The following AGAP3 variants were observed in gnomAD, a reference collection of about 807,000 sequenced individuals.
The protein encoded by AGAP3 is arf-GAP with GTPase, ANK repeat and PH domain-containing protein 3.
In AGAP3, 24 loss-of-function variants were observed where a neutral mutation model predicts 96.9. The observed-to-expected ratio is 0.25, with a 90% CI of 0.18 to 0.35. The LOEUF (loss-of-function observed/expected upper bound fraction) is 0.35. AGAP3 is among the 10% of genes least tolerant of loss of function. The pLI is 1.00. For synonymous variants in AGAP3, 563 were observed against 536.1 expected (o/e 1.05, Z -0.69); for missense variants, 876 against 1,254.2 (o/e 0.70, Z 4.55).
rs1355326831 is a variant in AGAP3, at chr7:151,096,662, C to T, written c.331+9590C>T. Among the ~76,000 whole-genome samples the T allele has an allele frequency of 6.6e-6, 1 of 151,804 alleles. No homozygotes were observed. The highest frequency in any genetic ancestry group is 1.5e-5 in the Non-Finnish European group (1 of 67,970). On this transcript the variant is annotated intron_variant, in intron 1 of 17. Coordinates refer to ENST00000397238, the MANE Select transcript of AGAP3 (RefSeq NM_031946.7). The surrounding 1 kb of genome is among the most constrained non-coding windows in gnomAD (Gnocchi z 4.4). ...TTATTTTTTGTATTTTTAGTAGAGA[C>T]GAGGTTTCACCGCGTTAGCCAAGGT... is the stretch of plus-strand genomic sequence containing the variant.
At chr7:151,127,821 C>T (rs1469177256) in intron 9 of AGAP3, among the ~76,000 whole-genome samples, 1 of 152,206 alleles carries the variant, frequency 6.6e-6, no homozygotes, top group Non-Finnish European at 1.5e-5. Flanking sequence ...CTACCTCCTG[C>T]ATTCGTCATC....
chr7:151,119,954 G>T (rs755624386), intron 7 of AGAP3, 33 bp from the exon 8 acceptor site: 15 of 1,608,968 alleles, frequency 9.3e-6, no homozygotes, highest in Non-Finnish European at 2.5e-6. Flanking sequence ...CCCCTGACCC[G>T]GAGCTGCCCT....
intron 1 of AGAP3, among the ~76,000 whole-genome samples, chr7:151,109,689 G>C (rs1024164614): frequency 1.3e-5 from 2 of 152,128 alleles, no homozygotes; most frequent in African/African-American, 4.8e-5. Context: ...GGCTCTCCAG[G>C]GTCCTCCGTA....
chr7:151,113,673 G>C (rs1486981790), intron 1 of AGAP3, among the ~76,000 whole-genome samples: 2 of 152,204 alleles, frequency 1.3e-5, no homozygotes, highest in Non-Finnish European at 2.9e-5. Flanking sequence ...TCCGTGGCTG[G>C]TATTGAGGCA....
At chr7:151,123,180 C>T in intron 8 of AGAP3, 1 of 1,074,522 alleles carries the variant, frequency 9.3e-7, no homozygotes, top group Non-Finnish European at 1.1e-6. Context: ...GCCGTTCCTG[C>T]TCCTGCTCCG....
At chr7:151,127,054 C>A (rs1800208585) in intron 9 of AGAP3, among the ~76,000 whole-genome samples, 1 of 152,202 alleles carries the variant, frequency 6.6e-6, no homozygotes, top group African/African-American at 2.4e-5. Context: ...AAGTGGGTGC[C>A]CTTTCTGGCC....
rs1005373176 is a variant in AGAP3, at chr7:151,118,692, C to T, written c.969+60C>T. On this transcript the variant is annotated intron_variant, in intron 7 of 17. Transcript: ENST00000397238. The surrounding 1 kb of genome is among the most constrained non-coding windows in gnomAD (Gnocchi z 6.1). ...CCACCATGTCTGTCTTGCCTCTGTG[C>T]GTCCTGCCACTTCTGCTGGCCTCCT... The T allele has an allele frequency of 1.1e-5, 18 of 1,580,038 alleles. No individual in the cohort carries two copies. Among genetic ancestry groups the T allele is most frequent in the Admixed American group, 6.7e-5 (4 of 59,464 alleles).
At position 151,101,667 on chromosome 7, in the gene AGAP3, G is replaced by A. The variant is rs183172805; in HGVS notation, c.331+14595G>A. Among the ~76,000 whole-genome samples, 100 of 152,320 alleles carry A rather than the reference G, an allele frequency of 6.6e-4. 1 individual carries two copies. Among genetic ancestry groups the A allele is most frequent in the South Asian group, 2.1e-4 (1 of 4,826 alleles). On this transcript the variant is annotated intron_variant, in intron 1 of 17. Transcript: ENST00000397238. ...TCCCATAGGCCTGGCTGAGACACAC[G>A]CCTGGGTAGCAGTACAGAGGCTGGG...
rs984144483 is a variant in AGAP3 at position 151,143,887 on chromosome 7, C to A, written c.2680C>A (p.Pro894Thr). 1 of 1,613,912 alleles carries A rather than the reference C, an allele frequency of 6.2e-7. No homozygotes were observed. Among genetic ancestry groups the A allele is most frequent in the Non-Finnish European group, 8.5e-7 (1 of 1,180,028 alleles). ...CGLAPTPNRE[P>T]ANGTNPSAEL... Reference sequence around the variant, plus strand: ...CTTAGCGCCTACCCCCAACAGAGAGCCTGCCAATGGCACCAACCCCTCTGC... The same window carrying A: ...CTTAGCGCCTACCCCCAACAGAGAGACTGCCAATGGCACCAACCCCTCTGC... Residue 894 changes from proline to threonine, a missense_variant, in exon 18 of 18, where the codon CCT (proline) becomes ACT (threonine). Pro to Thr is a conservative substitution (Grantham distance 38). This residue lies in a region of AGAP3 where 213 missense variants were observed against 253.8 expected (regional missense o/e 0.84). Coordinates refer to ENST00000397238, the MANE Select transcript of AGAP3 (RefSeq NM_031946.7). The surrounding 1 kb of genome is among the most constrained non-coding windows in gnomAD (Gnocchi z 5.9).
At position 151,143,764 on chromosome 7, in the gene AGAP3, G is replaced by T; in HGVS notation, c.2557G>T (p.Ala853Ser). Residue 853 changes from alanine (A) to serine (S), a missense_variant, in exon 18 of 18, where the codon GCC (alanine) becomes TCC (serine). This residue lies in a region of AGAP3 where 213 missense variants were observed against 253.8 expected (regional missense o/e 0.84). Transcript: ENST00000397238. The surrounding 1 kb of genome is among the most constrained non-coding windows in gnomAD (Gnocchi z 5.9). ...WYGVDVRSRD[A>S]RGLTPLAYAR... is the part of the protein sequence containing the mutation. ...CGGGGTGGACGTGAGGAGCCGGGAC[G>T]CCCGGGGCCTGACTCCACTGGCATA... The T allele has an allele frequency of 1.2e-6, 2 of 1,614,122 alleles. No individual in the cohort carries two copies. Among genetic ancestry groups the T allele is most frequent in the East Asian group, 2.2e-5 (1 of 44,888 alleles).
chr7:151,134,864 G>A (rs1800533368), intron 11 of AGAP3, among the ~76,000 whole-genome samples: 1 of 152,142 alleles, frequency 6.6e-6, no homozygotes, highest in Non-Finnish European at 1.5e-5. Flanking sequence ...ATCCGAGGCA[G>A]GCGATGGGTG....
chr7:151,132,264 C>T (rs544270298), intron 10 of AGAP3, among the ~76,000 whole-genome samples: 1 of 152,302 alleles, frequency 6.6e-6, no homozygotes, highest in East Asian at 1.9e-4. Flanking sequence ...GTGGGCCGAG[C>T]GGTTGTCAAA....
Position 151,133,038 on chromosome 7 carries a change from G to A in AGAP3, c.1327-1362G>A, listed in dbSNP as rs1251842619. On this transcript the variant is annotated intron_variant, in intron 10 of 17. Coordinates refer to ENST00000397238, the MANE Select transcript of AGAP3 (RefSeq NM_031946.7). The surrounding 1 kb of genome is among the most constrained non-coding windows in gnomAD (Gnocchi z 5.4). ...CCGGGCTCCTCAGGGTAGGAGGAGC[G>A]CGTCTGGGAAGGCTCGTCGCACGGC... is the stretch of plus-strand genomic sequence containing the variant. Among the ~76,000 whole-genome samples, 9 of 152,200 alleles carry A rather than the reference G, an allele frequency of 5.9e-5. No homozygotes were observed. Among genetic ancestry groups the A allele is most frequent in the African/African-American group, 1.4e-4 (6 of 41,454 alleles).
In AGAP3 at chr7:151,130,879, G is replaced by A. The variant is rs944988815; in HGVS notation, c.1326+2195G>A. Among the ~76,000 whole-genome samples the A allele has an allele frequency of 3.9e-5, 6 of 152,098 alleles. No homozygotes were observed. The East Asian group carries it at 7.7e-4, about 20-fold the overall frequency. On this transcript the variant is annotated intron_variant, in intron 10 of 17. Transcript: ENST00000397238. ...CACCTCACCTCCTTCATCTCCCCTG[G>A]CCGCCACCTTCCAGCCTGAGCATGC...
At chr7:151,116,455 T>G (rs999181751) in intron 1 of AGAP3, 37 of 362,598 alleles carry the variant, frequency 1.0e-4, no homozygotes, top group African/African-American at 5.9e-4. Context: ...GGGCCTGGTA[T>G]TTGGGCCACA....
At chr7:151,127,651 C>T (rs1563503139) in intron 9 of AGAP3, among the ~76,000 whole-genome samples, 1 of 152,184 alleles carries the variant, frequency 6.6e-6, no homozygotes, top group Non-Finnish European at 1.5e-5. Context: ...TGACCCCCGC[C>T]TCCCATTCCC....
chr7:151,123,562 G>T, intron 8 of AGAP3: 3 of 1,352,350 alleles, frequency 2.2e-6, no homozygotes, highest in Non-Finnish European at 2.9e-6. Context: ...TTGCTCTTTT[G>T]TAAGGGGCGG....
chr7:151,113,236 C>T (rs1342101436), intron 1 of AGAP3, among the ~76,000 whole-genome samples: 1 of 152,226 alleles, frequency 6.6e-6, no homozygotes, highest in Non-Finnish European at 1.5e-5. Flanking sequence ...GTCTCTGTAC[C>T]TGCCTGGGGA....
chr7:151,126,980 G>C (rs1800206050), intron 9 of AGAP3, among the ~76,000 whole-genome samples: 1 of 152,226 alleles, frequency 6.6e-6, no homozygotes. Flanking sequence ...CGGAGGAGGA[G>C]CAGCAAGAAT....
Sources: gnomAD v4.1 joint callset for allele counts (sites outside exome capture counted in the v4.1 genomes callset) on GRCh38, gnomAD v4.1.1 for gene constraint, gnomAD v4.1.1 regional missense constraint, Gnocchi (gnomAD v3.1) non-coding constraint, MANE v1.5 for transcripts, NCBI Gene and HGNC (gene_info 2026-07-23, HGNC 2026-07-21) for gene names.